Variants in CEP63 observed in about 807,000 individuals in gnomAD.
The protein encoded by CEP63 is centrosomal protein of 63 kDa.
Under a neutral mutation model 89.1 loss-of-function variants are expected in CEP63, and 84 were observed. That is an observed-to-expected ratio of 0.94 (90% CI 0.79 to 1.13). The LOEUF (loss-of-function observed/expected upper bound fraction) is 1.13, where lower values mean the gene tolerates loss of function less well. Among genes scored for constraint, CEP63 ranks in the 50% most tolerant of loss-of-function variants. The probability of loss-of-function intolerance (pLI) is 0.00; values close to 1 mark genes in which losing one functional copy is unlikely to be tolerated. For missense variants in CEP63, 838 were observed against 813.3 expected (o/e 1.03, Z -0.37); for synonymous variants, 267 against 272.5 (o/e 0.98, Z 0.20).
At chr3:134,684,338 C>T in the CEP63 span, among the ~76,000 whole-genome samples, 1 of 152,200 alleles carries the variant, frequency 6.6e-6, no homozygotes, top group Non-Finnish European at 1.5e-5. Flanking sequence ...GTCTTCCTTT[C>T]CATCTTTTCT....
At chr3:134,651,332 T>C in the CEP63 span, 2 of 1,163,206 alleles carry the variant, frequency 1.7e-6, no homozygotes, top group Non-Finnish European at 2.1e-6. Context: ...AGGGCTTCTC[T>C]GGCTGAGCGC....
the CEP63 span, among the ~76,000 whole-genome samples, chr3:134,773,972 A>G: frequency 6.6e-6 from 1 of 152,172 alleles, no homozygotes; most frequent in Non-Finnish European, 1.5e-5. Flanking sequence ...CTTGCATGTC[A>G]CCATTTTCCC....
At chr3:134,621,904 A>G in the CEP63 span, among the ~76,000 whole-genome samples, 1 of 152,224 alleles carries the variant, frequency 6.6e-6, no homozygotes, top group East Asian at 1.9e-4. Flanking sequence ...GGGGCAAAGG[A>G]CTTGAACAGA....
chr3:134,605,064 A>T, the CEP63 span, among the ~76,000 whole-genome samples: 1 of 152,136 alleles, frequency 6.6e-6, no homozygotes, highest in African/African-American at 2.4e-5. Context: ...TGTTTCAGGA[A>T]TGGGTCCTGA....
the CEP63 span, chr3:134,755,839 C>G: frequency 2.0e-5 from 3 of 152,244 alleles, no homozygotes; most frequent in Non-Finnish European, 4.4e-5. Context: ...AAAAGCAATG[C>G]TTAGGTAACC....
chr3:134,500,573 C>G (rs975130343), intron 2 of CEP63, among the ~76,000 whole-genome samples: 4 of 152,248 alleles, frequency 2.6e-5, no homozygotes, highest in Admixed American at 6.5e-5. Context: ...ACGGTGTTGC[C>G]TTTTCTCCAC....
intron 2 of CEP63, among the ~76,000 whole-genome samples, chr3:134,500,375 T>C (rs1324096877): frequency 2.6e-5 from 4 of 152,234 alleles, no homozygotes; most frequent in African/African-American, 7.2e-5. Context: ...TCATGTCTGC[T>C]ATTGTGATTG....
the CEP63 span, among the ~76,000 whole-genome samples, chr3:134,626,226 G>A: frequency 2.0e-5 from 3 of 152,226 alleles, no homozygotes; most frequent in South Asian, 2.1e-4. Context: ...CCTCCATGTC[G>A]GGAGCCTCTG....
At chr3:134,591,905 A>ATAAAG (rs1264795825), downstream of CEP63, among the ~76,000 whole-genome samples, 1 of 151,664 alleles carries the variant, frequency 6.6e-6, no homozygotes. Context: ...ATAAAATAAA[A>ATAAAG]TAAAACCAGA....
At chr3:134,678,423 C>G in the CEP63 span, among the ~76,000 whole-genome samples, 1 of 152,144 alleles carries the variant, frequency 6.6e-6, no homozygotes, top group African/African-American at 2.4e-5. Context: ...TTTAAATAGG[C>G]TTCACATCTA....
In CEP63 at chr3:134,564,328, C is replaced by G; in HGVS notation, c.*2793C>G. ...TCCTTCAGTTTGTCTCCTCTTCCCA[C>G]ACCCTGTCATGTGCTCCTAAAACTC... On this transcript the variant is annotated 3_prime_UTR_variant, in exon 15 of 15. Transcript: ENST00000675561. 7.1e-6 allele frequency: 7 copies of G among 985,444 alleles called. No individual in the cohort carries two copies. Among genetic ancestry groups the G allele is most frequent in the Non-Finnish European group, 8.4e-6 (7 of 829,962 alleles). 61.0% of individuals were successfully genotyped at this position (985,444 alleles called of 1,614,324 possible). A position where few individuals can be genotyped will look rare whatever the true frequency, so the allele number is the denominator to read the frequency against.
chr3:134,670,893 C>T, the CEP63 span, among the ~76,000 whole-genome samples: 2 of 152,152 alleles, frequency 1.3e-5, no homozygotes, highest in African/African-American at 4.8e-5. Flanking sequence ...CAACACAAAA[C>T]TGAATGAATT....
chr3:134,691,985 C>T, the CEP63 span, among the ~76,000 whole-genome samples: 1 of 152,216 alleles, frequency 6.6e-6, no homozygotes, highest in Admixed American at 6.5e-5. Flanking sequence ...GCTGGGATTA[C>T]AGGCGTGAGC....
upstream of CEP63, chr3:134,485,893 A>G: frequency 1.4e-6 from 1 of 713,692 alleles, no homozygotes; most frequent in Non-Finnish European, 1.7e-6. Flanking sequence ...TCCGACACTG[A>G]GCAACGAACG....
intron 5 of CEP63, chr3:134,536,819 A>G: frequency 3.0e-6 from 1 of 335,982 alleles, no homozygotes; most frequent in South Asian, 2.5e-5. Flanking sequence ...TTATCTTAGC[A>G]TCAGTTTTCT....
At chr3:134,535,445 T>G (rs1305390023) in intron 5 of CEP63, 1 of 151,412 alleles carries the variant, frequency 6.6e-6, no homozygotes, top group Non-Finnish European at 1.5e-5. Flanking sequence ...TCATCACTCC[T>G]CAGTCTCCAT....
the CEP63 span, chr3:134,620,736 C>G: frequency 1.9e-6 from 3 of 1,601,840 alleles, no homozygotes; most frequent in South Asian, 3.3e-5. Context: ...AGAAATTCCA[C>G]AGGGGGGCCT....
the CEP63 span, among the ~76,000 whole-genome samples, chr3:134,665,702 C>CACAGAGAGAGAG: frequency 4.9e-5 from 5 of 102,382 alleles, no homozygotes; most frequent in African/African-American, 2.0e-4. Flanking sequence ...CACACACACA[C>CACAGAGAGAGAG]AGAGAGAGAG....
the CEP63 span, among the ~76,000 whole-genome samples, chr3:134,621,541 C>T: frequency 2.0e-5 from 3 of 152,154 alleles, no homozygotes; most frequent in African/African-American, 7.2e-5. Context: ...TGGATCTCTA[C>T]CTCATGCCAT....
Sources: allele counts gnomAD v4.1 joint callset (sites outside exome capture counted in the v4.1 genomes callset), GRCh38; gene constraint gnomAD v4.1.1; transcripts MANE v1.5; gene names NCBI Gene and HGNC (gene_info 2026-07-23, HGNC 2026-07-21).